Variants in CEP85L observed in about 807,000 individuals in gnomAD.
CEP85L encodes centrosomal protein of 85 kDa-like.
CEP85L carries 60 observed loss-of-function variants against 100.3 expected under a neutral mutation model. The observed-to-expected ratio is 0.60, with a 90% confidence interval of 0.49 to 0.74. CEP85L has a LOEUF of 0.74. Among genes scored for constraint, CEP85L ranks in the 30% least tolerant of loss-of-function variants. The pLI, the probability that CEP85L is intolerant of heterozygous loss-of-function variation, is 0.00. For synonymous variants in CEP85L, 319 were observed against 322.7 expected (o/e 0.99, Z 0.12); for missense variants, 973 against 936.2 (o/e 1.04, Z -0.51).
At chr6:118,472,586 G>A (rs996769002) in intron 10 of CEP85L, among the ~76,000 whole-genome samples, 8 of 152,090 alleles carry the variant, frequency 5.3e-5, no homozygotes, top group Non-Finnish European at 1.2e-4. Flanking sequence ...AATACTGTGC[G>A]TTATTTTATA....
intron 3 of CEP85L, among the ~76,000 whole-genome samples, chr6:118,526,944 G>C (rs372370221): frequency 8.9e-4 from 130 of 145,882 alleles, no homozygotes; most frequent in African/African-American, 3.0e-3. Flanking sequence ...TAGCCAACCA[G>C]CAACCCTCAG....
chr6:118,468,934 ATAC>A, intron 12 of CEP85L, 135 bp downstream of exon 12: 1 of 628,068 alleles, frequency 1.6e-6, no homozygotes, highest in Non-Finnish European at 2.8e-6. Context: ...AATAACAGGT[ATAC>A]ATAAACCCAC....
chr6:118,652,634 A>T, upstream of CEP85L: 4 of 1,525,804 alleles, frequency 2.6e-6, no homozygotes, highest in East Asian at 2.5e-5. Flanking sequence ...AGACATTTTA[A>T]TTGGGAAATA....
chr6:118,528,613 TAGAG>T (rs1387919854), intron 3 of CEP85L, among the ~76,000 whole-genome samples: 9 of 152,172 alleles, frequency 5.9e-5, no homozygotes, highest in African/African-American at 1.2e-4. Flanking sequence ...AAATAGTTAA[TAGAG>T]AGAACAAAAC....
At position 118,469,093 on chromosome 6, in the gene CEP85L, A is replaced by T. The variant is rs1312433249; in HGVS notation, c.2233T>A (p.Ser745Thr). 5 of 1,612,910 alleles carry T rather than the reference A, an allele frequency of 3.1e-6. No individual in the cohort carries two copies. The South Asian group carries it at 5.5e-5, about 18-fold the overall frequency. ...TTACATCTTATTCCCAGTAATAATGAAAGATTAGGCTCCTTGCCCTGAGCA... is the reference window on the plus strand; with the variant it reads ...TTACATCTTATTCCCAGTAATAATGTAAGATTAGGCTCCTTGCCCTGAGCA... The part of the protein sequence containing the change: ...QRAQGKEPNL[S>T]LLLGIRSMNC... The change falls in exon 12 of 13, where the codon TCA (serine) becomes ACA (threonine). Residue 745 changes from serine (S) to threonine (T), a missense_variant. This residue lies in a region of CEP85L where 890 missense variants were observed against 844.5 expected (regional missense o/e 1.05). Transcript: ENST00000368491.
chr6:118,476,697 A>G (rs1773408023), intron 10 of CEP85L, among the ~76,000 whole-genome samples: 1 of 152,198 alleles, frequency 6.6e-6, no homozygotes, highest in South Asian at 2.1e-4. Flanking sequence ...TTATAAATAG[A>G]ACAGACTGTG....
intron 5 of CEP85L, among the ~76,000 whole-genome samples, chr6:118,503,519 C>T (rs1194231256): frequency 1.3e-5 from 2 of 152,102 alleles, no homozygotes; most frequent in African/African-American, 4.8e-5. Context: ...GGAGTACTGA[C>T]ACTACCCAAC....
At chr6:118,704,264 TG>T (rs1044146552) in intron 1 of CEP85L, among the ~76,000 whole-genome samples, 13 of 152,192 alleles carry the variant, frequency 8.5e-5, no homozygotes, top group African/African-American at 2.7e-4. Flanking sequence ...AATTTCCCTT[TG>T]GGGGCATGTT....
chr6:118,462,219 C>T lies in CEP85L; in HGVS notation c.*3186G>A, dbSNP rs1266466189. 1 of 152,002 alleles carries T rather than the reference C, an allele frequency of 6.6e-6. No individual in the cohort carries two copies. Among genetic ancestry groups the T allele is most frequent in the Non-Finnish European group, 1.5e-5 (1 of 67,890 alleles). The allele number at this position is 152,002 out of a possible 1,614,324, so 9.4% of individuals were successfully genotyped here. A position where few individuals can be genotyped will look rare whatever the true frequency, so the allele number is the denominator to read the frequency against. ...AAATAAATTTCACTAAAATATAATA[C>T]TGTTAGCATTAAATATTGAATCCTA... On this transcript the variant is annotated 3_prime_UTR_variant, in exon 13 of 13. Coordinates refer to ENST00000368491, the MANE Select transcript of CEP85L (RefSeq NM_001042475.3).
intron 3 of CEP85L, among the ~76,000 whole-genome samples, chr6:118,533,698 C>CT (rs1323403226): frequency 6.6e-6 from 1 of 152,144 alleles, no homozygotes; most frequent in Non-Finnish European, 1.5e-5. Flanking sequence ...ATACAAAAAA[C>CT]TTTAACAAAA....
chr6:118,632,278 C>T (rs555093803), intron 2 of CEP85L, among the ~76,000 whole-genome samples, 175 bp downstream of exon 2: 9 of 152,240 alleles, frequency 5.9e-5, no homozygotes, highest in African/African-American at 1.4e-4. Flanking sequence ...CATGAGCCAC[C>T]GCGCCCGGTC....
At chr6:118,539,692 C>T (rs1376960058) in intron 3 of CEP85L, among the ~76,000 whole-genome samples, 1 of 152,014 alleles carries the variant, frequency 6.6e-6, no homozygotes, top group Non-Finnish European at 1.5e-5. Context: ...CACCTATCAA[C>T]CCATCACCTA....
At chr6:118,623,785 C>T (rs991610138) in intron 2 of CEP85L, among the ~76,000 whole-genome samples, 5 of 152,330 alleles carry the variant, frequency 3.3e-5, no homozygotes, top group Non-Finnish European at 7.3e-5. Context: ...AATAACTTCT[C>T]TAGCAAAGTA....
In CEP85L at chr6:118,558,956, T is replaced by C. The variant is rs771044756; in HGVS notation, c.1020+6573A>G. 4 of 1,613,586 alleles carry C rather than the reference T, an allele frequency of 2.5e-6. No homozygotes were observed. Among genetic ancestry groups the C allele is most frequent in the Middle Eastern group, 1.7e-4 (1 of 6,060 alleles). On this transcript the variant is annotated intron_variant, in intron 3 of 12. Transcript: ENST00000368491. ...GTCCAATACCTCACTCGCTCAGCTA[T>C]AAGAAGAGCCTCAACCATTGAAATG...
chr6:118,476,480 TAGG>T (rs1367927830), intron 10 of CEP85L, among the ~76,000 whole-genome samples: 1 of 152,092 alleles, frequency 6.6e-6, no homozygotes, highest in Non-Finnish European at 1.5e-5. Flanking sequence ...TAACAAAAAA[TAGG>T]AGATAAACAT....
intron 2 of CEP85L, among the ~76,000 whole-genome samples, chr6:118,571,117 A>T (rs1779861830): frequency 6.6e-6 from 1 of 152,210 alleles, no homozygotes. Context: ...CTTAGAAATG[A>T]GTCTAGAAAA....
chr6:118,651,402 T>C lies in CEP85L; in HGVS notation c.-133A>G. 1 of 1,351,446 alleles carries C rather than the reference T, an allele frequency of 7.4e-7. No homozygotes were observed. Among genetic ancestry groups the C allele is most frequent in the South Asian group, 1.8e-5 (1 of 56,438 alleles). The allele number at this position is 1,351,446 out of a possible 1,614,324, so 83.7% of individuals were successfully genotyped here. On this transcript the variant is annotated 5_prime_UTR_variant, in exon 1 of 13. Transcript: ENST00000368491. ...GCAGGAGGAAAGGCGGGATGGCTGG[T>C]TAACGGCTGCTCAGCTACGGGCGGG...
At chr6:118,679,666 G>A (rs1054976527) in intron 1 of CEP85L, among the ~76,000 whole-genome samples, 4 of 152,090 alleles carry the variant, frequency 2.6e-5, no homozygotes, top group Admixed American at 2.0e-4. Flanking sequence ...CTAAATGTTC[G>A]GTGGGCCTAT....
intron 3 of CEP85L, among the ~76,000 whole-genome samples, chr6:118,525,023 C>CT (rs1776885324): frequency 6.6e-6 from 1 of 152,178 alleles, no homozygotes; most frequent in Admixed American, 6.5e-5. Context: ...TTGTCTGTTT[C>CT]TTTTTTCCTT....
Sources: gnomAD v4.1 joint callset for allele counts (sites outside exome capture counted in the v4.1 genomes callset) on GRCh38, gnomAD v4.1.1 for gene constraint, gnomAD v4.1.1 regional missense constraint, MANE v1.5 for transcripts, NCBI Gene and HGNC (gene_info 2026-07-23, HGNC 2026-07-21) for gene names.